Variants in ERGIC3 observed in about 807,000 individuals in gnomAD.
ERGIC3 encodes ERGIC and golgi 3.
Under a neutral mutation model 54.7 loss-of-function variants are expected in ERGIC3, and 33 were observed. That is an observed-to-expected ratio of 0.60 (90% CI 0.46 to 0.81). The LOEUF (loss-of-function observed/expected upper bound fraction) is 0.81, where lower values mean the gene tolerates loss of function less well. Ranked by LOEUF, ERGIC3 falls within the 30% of genes least tolerant of loss-of-function variation. The probability of loss-of-function intolerance (pLI) is 0.00; values close to 1 mark genes in which losing one functional copy is unlikely to be tolerated. For synonymous variants in ERGIC3, 186 were observed against 189.8 expected (o/e 0.98, Z 0.16); for missense variants, 399 against 488.4 (o/e 0.82, Z 1.73).
intron 7 of ERGIC3, among the ~76,000 whole-genome samples, chr20:35,550,425 G>A (rs1170683638): frequency 1.3e-5 from 2 of 152,048 alleles, no homozygotes; most frequent in Admixed American, 1.3e-4. Context: ...AGACCAGCCT[G>A]GCCAACATGG....
intron 8 of ERGIC3, among the ~76,000 whole-genome samples, chr20:35,555,571 G>C (rs566401644): frequency 6.6e-6 from 1 of 152,236 alleles, no homozygotes; most frequent in East Asian, 1.9e-4. Flanking sequence ...GTATCTGGGG[G>C]TTCACAGCCT....
chr20:35,545,012 A>C (rs1009352781), intron 4 of ERGIC3: 19 of 151,850 alleles, frequency 1.3e-4, no homozygotes, highest in African/African-American at 4.6e-4. Flanking sequence ...CATCGTGGCC[A>C]GGCTGGTCTC....
chr20:35,552,104 A>G (rs568980704), intron 7 of ERGIC3, among the ~76,000 whole-genome samples: 7 of 152,172 alleles, frequency 4.6e-5, no homozygotes, highest in Non-Finnish European at 7.4e-5. Flanking sequence ...AGTGCCTTAC[A>G]TATGTGGAAA....
intron 10 of ERGIC3, 150 bp from the exon 11 acceptor site, chr20:35,556,823 C>A (rs1364691502): frequency 1.8e-6 from 2 of 1,082,052 alleles, no homozygotes; most frequent in Non-Finnish European, 2.7e-6. Flanking sequence ...GCGGGCCAGG[C>A]CTTGCAGTGC....
At chr20:35,556,871 G>GC in intron 10 of ERGIC3, 102 bp from the exon 11 acceptor site, 1 of 1,535,620 alleles carries the variant, frequency 6.5e-7, no homozygotes, top group Non-Finnish European at 8.9e-7. Context: ...TCCTTACACG[G>GC]CCAAGGCTCA....
At chr20:35,542,417 G>A (rs1352059444) in intron 2 of ERGIC3, 24 bp downstream of exon 2, 5 of 1,613,830 alleles carry the variant, frequency 3.1e-6, no homozygotes, top group Non-Finnish European at 4.2e-6. Flanking sequence ...CTTAGTGCGT[G>A]GGCGGGGCTT....
At chr20:35,548,421 G>T in intron 5 of ERGIC3, 88 bp from the exon 6 acceptor site, 1 of 1,428,032 alleles carries the variant, frequency 7.0e-7, no homozygotes, top group Non-Finnish European at 9.6e-7. Flanking sequence ...TTCATTAGCA[G>T]GCAGAGCTGC....
chr20:35,545,486 G>A (rs1255931441), intron 4 of ERGIC3: 1 of 152,198 alleles, frequency 6.6e-6, no homozygotes, highest in Non-Finnish European at 1.5e-5. Context: ...AGAATCACTT[G>A]AACCAGAGAG....
At position 35,542,141 on chromosome 20, in the gene ERGIC3, A is replaced by G. The variant is rs1214186399; in HGVS notation, c.44A>G (p.Lys15Arg). 4 of 1,574,148 alleles carry G rather than the reference A, an allele frequency of 2.5e-6. No homozygotes were observed. The highest frequency in any genetic ancestry group is 1.7e-6 in the Non-Finnish European group (2 of 1,160,374). ...GKLKQFDAYP[K>R]TLEDFRVKTC... ...CTGAAGCAGTTCGATGCCTACCCCAAGACTTTGGAGGACTTCCGGGTCAAG... is the reference window on the plus strand; with the variant it reads ...CTGAAGCAGTTCGATGCCTACCCCAGGACTTTGGAGGACTTCCGGGTCAAG... Residue 15 changes from lysine to arginine, a missense_variant, in exon 1 of 13, where the codon AAG becomes AGG. Physicochemically the swap from Lys to Arg is conservative, Grantham distance 26. Transcript: ENST00000348547.
chr20:35,543,494 G>A (rs45481196), intron 4 of ERGIC3: 316 of 419,666 alleles, frequency 7.5e-4, no homozygotes, highest in Non-Finnish European at 1.3e-3. Flanking sequence ...AAAATGCCTG[G>A]TACAGAGTGG....
chr20:35,557,230 C>G lies in ERGIC3; in HGVS notation c.1053C>G (p.Ile351Met). 5 of 1,614,102 alleles carry G rather than the reference C, an allele frequency of 3.1e-6. No homozygotes were observed. Among genetic ancestry groups the G allele is most frequent in the Non-Finnish European group, 4.2e-6 (5 of 1,180,018 alleles). The change falls in exon 12 of 13, where the codon ATC becomes ATG. Residue 351 changes from isoleucine (I) to methionine (M), a missense_variant. By Grantham distance (10) the Ile-to-Met change is conservative. Transcript: ENST00000348547. ...FTHFLTGVCA[I>M]IGGMFTVAGL... ...ACTTCCTGACAGGTGTGTGCGCCAT[C>G]ATTGGGGGCATGTTCACAGGTAAGA...
intron 8 of ERGIC3, among the ~76,000 whole-genome samples, chr20:35,555,516 C>T (rs1158595659): frequency 6.6e-6 from 1 of 152,136 alleles, no homozygotes; most frequent in South Asian, 2.1e-4. Flanking sequence ...TAGGAAAGAT[C>T]CTTCTAGTGT....
At chr20:35,554,840 A>G (rs1206972733) in intron 7 of ERGIC3, 2 of 660,772 alleles carry the variant, frequency 3.0e-6, no homozygotes, top group Admixed American at 4.7e-5. Flanking sequence ...TGTTCTAAAG[A>G]CTCCTGAGGA....
At chr20:35,543,018 G>A (rs1383778124) in intron 4 of ERGIC3, 77 bp downstream of exon 4, 1 of 1,599,464 alleles carries the variant, frequency 6.3e-7, no homozygotes, top group Admixed American at 1.7e-5. Flanking sequence ...AGTGAACTGT[G>A]GCAGGCATAG....
chr20:35,556,845 A>T, intron 10 of ERGIC3, 128 bp from the exon 11 acceptor site: 5 of 1,327,384 alleles, frequency 3.8e-6, no homozygotes, highest in Non-Finnish European at 5.3e-6. Context: ...GGCCACTAGC[A>T]CGGTGCTGTG....
Position 35,556,943 on chromosome 20 carries a change from G to A in ERGIC3, c.880-30G>A. 3 of 1,613,678 alleles carry A rather than the reference G, an allele frequency of 1.9e-6. No homozygotes were observed. In the South Asian group the frequency reaches 3.3e-5, roughly 18 times the overall value. On this transcript the variant is annotated intron_variant, in intron 10 of 12. Coordinates refer to ENST00000348547, the MANE Select transcript of ERGIC3 (RefSeq NM_015966.3). ...TGGCTGGAGCCAGGTCCTAGCCCTA[G>A]CCCTGGCCCAGGCTCCCCTCCCACC...
Position 35,547,450 on chromosome 20 carries a change from T to A in ERGIC3, c.406T>A (p.Ser136Thr). ...CGAGGTGACGGTGTTTGACCCTGACTCCCTGGACCCTGATCGCTGTGAGAG... is the reference window on the plus strand; with the variant it reads ...CGAGGTGACGGTGTTTGACCCTGACACCCTGGACCCTGATCGCTGTGAGAG... ...KVEVTVFDPD[S>T]LDPDRCESCY... The change falls in exon 5 of 13, where the codon TCC (serine) becomes ACC (threonine). Residue 136 changes from serine to threonine, a missense_variant. Ser to Thr is a moderately conservative substitution (Grantham distance 58). Transcript: ENST00000348547. The A allele has an allele frequency of 1.2e-6, 2 of 1,614,136 alleles. No homozygotes were observed. Among genetic ancestry groups the A allele is most frequent in the East Asian group, 4.5e-5 (2 of 44,886 alleles).
chr20:35,555,225 G>A (rs1163290279), intron 8 of ERGIC3, 150 bp downstream of exon 8: 18 of 986,464 alleles, frequency 1.8e-5, no homozygotes, highest in Admixed American at 1.3e-4. Flanking sequence ...AGGGTTAAGC[G>A]AGAGTGACTT....
chr20:35,542,651 G>A (rs894674082), intron 3 of ERGIC3, 51 bp downstream of exon 3: 6 of 1,608,330 alleles, frequency 3.7e-6, no homozygotes, highest in Non-Finnish European at 5.1e-6. Flanking sequence ...TTCTCATGTG[G>A]GCTGCCAGAT....
Sources: allele counts gnomAD v4.1 joint callset (sites outside exome capture counted in the v4.1 genomes callset), GRCh38; gene constraint gnomAD v4.1.1; transcripts MANE v1.5; gene names NCBI Gene and HGNC (gene_info 2026-07-23, HGNC 2026-07-21).